Variants in EDIL3 observed in about 807,000 individuals in gnomAD.
The protein encoded by EDIL3 is EGF like and discoidin domains 3.
EDIL3 carries 37 observed loss-of-function variants against 67.4 expected under a neutral mutation model. The ratio of observed to expected loss-of-function variants is 0.55; its 90% CI spans 0.42 to 0.72. The LOEUF is 0.72. EDIL3 is among the 30% of genes least tolerant of loss of function. The pLI is 0.00. For missense variants in EDIL3, 527 were observed against 586.3 expected (o/e 0.90, Z 1.04); for synonymous variants, 195 against 196.3 (o/e 0.99, Z 0.05).
At chr5:84,004,151 A>G (rs1422892339) in intron 9 of EDIL3, among the ~76,000 whole-genome samples, 1 of 152,202 alleles carries the variant, frequency 6.6e-6, no homozygotes, top group Non-Finnish European at 1.5e-5. Flanking sequence ...CAGGCACATA[A>G]CACTGGAGTA....
At chr5:84,179,622 C>T (rs1580363692) in intron 4 of EDIL3, among the ~76,000 whole-genome samples, 1 of 152,134 alleles carries the variant, frequency 6.6e-6, no homozygotes, top group Non-Finnish European at 1.5e-5. Context: ...CTTGCCTATT[C>T]CTTCCCCACT....
intron 1 of EDIL3, among the ~76,000 whole-genome samples, chr5:84,280,854 G>C (rs1258678881): frequency 6.7e-6 from 1 of 148,704 alleles, no homozygotes; most frequent in Non-Finnish European, 1.5e-5. Context: ...TGAGGGCTTA[G>C]GTAGGAGGAT....
At chr5:84,262,613 A>G (rs1272721914) in intron 1 of EDIL3, among the ~76,000 whole-genome samples, 2 of 150,212 alleles carry the variant, frequency 1.3e-5, no homozygotes, top group Non-Finnish European at 3.0e-5. Flanking sequence ...AATTTTGTAA[A>G]TAACCAGGAA....
intron 6 of EDIL3, among the ~76,000 whole-genome samples, chr5:84,079,258 G>A (rs1232768819): frequency 1.3e-5 from 2 of 151,986 alleles, no homozygotes; most frequent in African/African-American, 2.4e-5. Context: ...ACAAGTAAAT[G>A]TGTTTCCCTG....
At chr5:84,038,839 T>C (rs1300900562) in intron 9 of EDIL3, among the ~76,000 whole-genome samples, 1 of 152,222 alleles carries the variant, frequency 6.6e-6, no homozygotes, top group Non-Finnish European at 1.5e-5. Flanking sequence ...GGATAAAACT[T>C]GGCTCCAGTA....
At chr5:84,071,459 G>A (rs1746739411) in intron 6 of EDIL3, among the ~76,000 whole-genome samples, 1 of 152,162 alleles carries the variant, frequency 6.6e-6, no homozygotes, top group Non-Finnish European at 1.5e-5. Flanking sequence ...CTGAAAAGAC[G>A]AAGATTTTCT....
At chr5:84,075,093 G>A (rs55671619) in intron 6 of EDIL3, among the ~76,000 whole-genome samples, 9,867 of 151,882 alleles carry the variant, frequency 0.065, 455 homozygotes, top group Middle Eastern at 0.12. Flanking sequence ...GCAAACTATC[G>A]CAAGGACAAA....
intron 1 of EDIL3, among the ~76,000 whole-genome samples, chr5:84,293,614 C>T (rs1190811806): frequency 6.6e-6 from 1 of 151,886 alleles, no homozygotes; most frequent in African/African-American, 2.4e-5. Flanking sequence ...GGCAAATCTA[C>T]AGTATTTAGG....
chr5:84,116,557 TA>T (rs957335669), intron 5 of EDIL3, among the ~76,000 whole-genome samples: 2 of 151,306 alleles, frequency 1.3e-5, no homozygotes, highest in African/African-American at 2.4e-5. Flanking sequence ...CTTTCCAAAT[TA>T]AAAAAAAATT....
intron 6 of EDIL3, among the ~76,000 whole-genome samples, chr5:84,099,595 T>C (rs1747325365): frequency 1.3e-5 from 1 of 76,870 alleles, no homozygotes; most frequent in Non-Finnish European, 2.7e-5. Flanking sequence ...GATTAAAGAC[T>C]TAAACATAAG....
intron 6 of EDIL3, among the ~76,000 whole-genome samples, chr5:84,096,450 C>A (rs1202886088): frequency 6.6e-6 from 1 of 152,200 alleles, no homozygotes; most frequent in African/African-American, 2.4e-5. Flanking sequence ...GATTTGACTA[C>A]CCCAATGGAT....
chr5:84,044,039 C>T (rs1201549882), intron 9 of EDIL3, among the ~76,000 whole-genome samples: 1 of 152,086 alleles, frequency 6.6e-6, no homozygotes, highest in Non-Finnish European at 1.5e-5. Flanking sequence ...GGTATTTGTC[C>T]TAATGCTATC....
At chr5:84,255,276 C>T (rs886307652) in intron 1 of EDIL3, among the ~76,000 whole-genome samples, 1 of 152,142 alleles carries the variant, frequency 6.6e-6, no homozygotes, top group Non-Finnish European at 1.5e-5. Flanking sequence ...ATGGATGTGG[C>T]TACAAACCTC....
chr5:84,328,131 A>G (rs541747313), intron 1 of EDIL3, among the ~76,000 whole-genome samples: 1 of 152,186 alleles, frequency 6.6e-6, no homozygotes, highest in East Asian at 1.9e-4. Flanking sequence ...TTTTAGAAAA[A>G]GTTGAATAAC....
chr5:83,967,325 TAAATA>T (rs1744708095), intron 9 of EDIL3, among the ~76,000 whole-genome samples: 1 of 152,068 alleles, frequency 6.6e-6, no homozygotes, highest in Admixed American at 6.6e-5. Flanking sequence ...CATCTCAAAA[TAAATA>T]AAATAAATAA....
intron 1 of EDIL3, among the ~76,000 whole-genome samples, chr5:84,382,458 A>G (rs1306590368): frequency 6.6e-6 from 1 of 152,078 alleles, no homozygotes; most frequent in African/African-American, 2.4e-5. Flanking sequence ...TAGACGCACT[A>G]TCTTCTCCTC....
At chr5:84,328,805 A>C (rs1361852644) in intron 1 of EDIL3, among the ~76,000 whole-genome samples, 3 of 152,220 alleles carry the variant, frequency 2.0e-5, no homozygotes, top group Non-Finnish European at 1.5e-5. Flanking sequence ...TGCATCTGTA[A>C]GATTATTTCA....
intron 3 of EDIL3, among the ~76,000 whole-genome samples, chr5:84,190,573 GTGTGTGTATA>G (rs1743562677): frequency 1.6e-5 from 1 of 62,064 alleles, no homozygotes; most frequent in South Asian, 4.6e-4. Flanking sequence ...GTGTGTGTGT[GTGTGTGTATA>G]TATATATATA....
Position 84,008,671 on chromosome 5 carries a change from C to T in EDIL3, c.1138-45311G>A, listed in dbSNP as rs994051359. On this transcript the variant is annotated intron_variant, in intron 9 of 10. Coordinates refer to ENST00000296591, the MANE Select transcript of EDIL3 (RefSeq NM_005711.5). ...AATCTTTATTGCTGATGTGACCTTG[C>T]TAAAAGCAGTTTCACAGAAATGATG... is the stretch of plus-strand genomic sequence containing the variant. Among the ~76,000 whole-genome samples, 13 of 152,026 alleles carry T rather than the reference C, an allele frequency of 8.6e-5. No homozygotes were observed. In the South Asian group the frequency reaches 2.3e-3, roughly 27 times the overall value.
Sources: allele counts gnomAD v4.1 joint callset (sites outside exome capture counted in the v4.1 genomes callset), GRCh38; gene constraint gnomAD v4.1.1; transcripts MANE v1.5; gene names NCBI Gene and HGNC (gene_info 2026-07-23, HGNC 2026-07-21).